KCTD1: variants seen among roughly 807,000 people sequenced by gnomAD.
KCTD1 encodes the protein BTB/POZ domain-containing protein KCTD1.
Under a neutral mutation model 66.0 loss-of-function variants are expected in KCTD1, and 24 were observed. The ratio of observed to expected loss-of-function variants is 0.36; its 90% CI spans 0.26 to 0.51. KCTD1 has a LOEUF of 0.51. KCTD1 is among the 20% of genes least tolerant of loss of function. The pLI is 0.95. For synonymous variants in KCTD1, 511 were observed against 517.2 expected (o/e 0.99, Z 0.16); for missense variants, 943 against 1,205.2 (o/e 0.78, Z 3.22).
intron 1 of KCTD1, among the ~76,000 whole-genome samples, chr18:26,595,053 C>T (rs1184966508): frequency 6.6e-6 from 1 of 152,148 alleles, no homozygotes; most frequent in Non-Finnish European, 1.5e-5. Context: ...TCTCTCTCCT[C>T]TCTTCATCTA....
chr18:26,656,260 C>G (rs1187181415), intron 1 of KCTD1, among the ~76,000 whole-genome samples: 1 of 152,110 alleles, frequency 6.6e-6, no homozygotes, highest in African/African-American at 2.4e-5. Flanking sequence ...AAGAGGCGAG[C>G]GCAGCAAAGC....
upstream of KCTD1, among the ~76,000 whole-genome samples, chr18:26,641,527 C>T (rs571840619): frequency 6.6e-6 from 1 of 152,212 alleles, no homozygotes; most frequent in East Asian, 1.9e-4. Flanking sequence ...ACCTTCTGTT[C>T]AGTTTCCTTT....
At chr18:26,628,214 C>G (rs1352813508) in intron 1 of KCTD1, among the ~76,000 whole-genome samples, 1 of 152,288 alleles carries the variant, frequency 6.6e-6, no homozygotes. Context: ...CCTCAATCTT[C>G]TCACTTGTAA....
intron 1 of KCTD1, among the ~76,000 whole-genome samples, chr18:26,612,108 G>T (rs1987151959): frequency 6.6e-6 from 1 of 152,108 alleles, no homozygotes; most frequent in Non-Finnish European, 1.5e-5. Flanking sequence ...TCTTTCCCCT[G>T]ACTTGGATAG....
chr18:26,570,192 ATATAT>A (rs1313695685), intron 1 of KCTD1, among the ~76,000 whole-genome samples: 59 of 88,058 alleles, frequency 6.7e-4, no homozygotes, highest in African/African-American at 2.1e-3. Flanking sequence ...TCTAAAAAAA[ATATAT>A]ATATATATAT....
chr18:26,544,697 TAC>T (rs1449311886), intron 1 of KCTD1: 2 of 152,224 alleles, frequency 1.3e-5, no homozygotes, highest in Non-Finnish European at 2.9e-5. Context: ...CCTCAACTCT[TAC>T]AGTGATTTTA....
At chr18:26,603,630 C>T (rs1359154696) in intron 1 of KCTD1, among the ~76,000 whole-genome samples, 3 of 151,664 alleles carry the variant, frequency 2.0e-5, no homozygotes, top group Non-Finnish European at 2.9e-5. Flanking sequence ...GTTATCCCAG[C>T]TATTCGGCAG....
upstream of KCTD1, chr18:26,548,677 C>G: frequency 9.5e-7 from 1 of 1,054,252 alleles, no homozygotes; most frequent in Non-Finnish European, 1.2e-6. Context: ...AATTGTCATT[C>G]CCGAGCGCAG....
At chr18:26,642,747 G>T (rs1461802850), upstream of KCTD1, among the ~76,000 whole-genome samples, 1 of 152,208 alleles carries the variant, frequency 6.6e-6, no homozygotes, top group Non-Finnish European at 1.5e-5. Context: ...GATCCCAAGA[G>T]AAGTTAAAAA....
chr18:26,588,935 G>T (rs549279871), intron 1 of KCTD1, among the ~76,000 whole-genome samples: 1 of 151,266 alleles, frequency 6.6e-6, no homozygotes, highest in South Asian at 2.1e-4. Context: ...GGTCCATGCG[G>T]CTTGGCTTAC....
In KCTD1 at chr18:26,459,895, A is replaced by G; in HGVS notation, c.2164T>C (p.Tyr722His). ...DYTLLYEEAKYFQLQPMLLEM... is the reference protein window; with the variant it reads ...DYTLLYEEAKHFQLQPMLLEM... ...AACAACATGGGCTGAAGCTGAAAAT[A>G]TTTTGCCTCTTCATATAACAAAGTG... is the stretch of plus-strand genomic sequence containing the variant. The change falls in exon 4 of 5, where the codon TAT becomes CAT. Residue 722 changes from tyrosine to histidine, a missense_variant. Tyr to His is a moderately conservative substitution (Grantham distance 83). Around this residue, in one of 10 missense-constraint regions of KCTD1, gnomAD observed 162 missense variants for 232.4 expected, o/e 0.70. Coordinates refer to ENST00000580059, the MANE Select transcript of KCTD1 (RefSeq NM_001142730.3). 1 of 1,600,054 alleles carries G rather than the reference A, an allele frequency of 6.2e-7. No homozygotes were observed. The highest frequency in any genetic ancestry group is 8.5e-7 in the Non-Finnish European group (1 of 1,172,626).
chr18:26,613,525 G>A (rs968456274), intron 1 of KCTD1, among the ~76,000 whole-genome samples: 56 of 152,274 alleles, frequency 3.7e-4, no homozygotes, highest in African/African-American at 1.3e-3. Flanking sequence ...GAAAGCAAAA[G>A]GAGAGAATCA....
At chr18:26,477,233 T>G (rs1169400222) in intron 2 of KCTD1, among the ~76,000 whole-genome samples, 2 of 152,194 alleles carry the variant, frequency 1.3e-5, no homozygotes, top group Non-Finnish European at 2.9e-5. Flanking sequence ...TTCTTAGGTC[T>G]CAGCGCAAAA....
chr18:26,627,470 C>T (rs1435087507), intron 1 of KCTD1, among the ~76,000 whole-genome samples: 2 of 152,124 alleles, frequency 1.3e-5, no homozygotes, highest in African/African-American at 4.8e-5. Flanking sequence ...TGTCATATGG[C>T]TCAACACACA....
chr18:26,579,265 T>TCACACACA (rs74670208), intron 1 of KCTD1, among the ~76,000 whole-genome samples: 8 of 150,714 alleles, frequency 5.3e-5, no homozygotes, highest in African/African-American at 1.9e-4. Flanking sequence ...TTTCTCACCC[T>TCACACACA]CACACACACA....
chr18:26,518,303 A>AT (rs879416574), intron 1 of KCTD1, among the ~76,000 whole-genome samples: 585 of 147,218 alleles, frequency 4.0e-3, no homozygotes, highest in African/African-American at 0.011. Context: ...CAAAGCTATA[A>AT]TTTTTTTTTT....
chr18:26,575,947 T>C (rs970505014), intron 1 of KCTD1, among the ~76,000 whole-genome samples: 1 of 152,224 alleles, frequency 6.6e-6, no homozygotes, highest in Non-Finnish European at 1.5e-5. Context: ...CTTTTTTACT[T>C]CATATAAATG....
intron 1 of KCTD1, chr18:26,566,089 G>A (rs1985974950): frequency 6.6e-6 from 1 of 152,142 alleles, no homozygotes. Context: ...ACAGACCCTA[G>A]CACACAGTAG....
rs554090058 is a variant in KCTD1 at position 26,495,881 on chromosome 18, A to C, written c.1988+5191T>G. 5.9e-5 allele frequency among the ~76,000 whole-genome samples: 9 copies of C among 152,326 alleles called. 1 individual carries two copies. In the South Asian group the frequency reaches 1.9e-3, roughly 32 times the overall value. ...TTCTTGGTTTTAAAAATGGTTATCC[A>C]CATCTGAATAACCATCAATACAGCT... On this transcript the variant is annotated intron_variant, in intron 2 of 4. Coordinates refer to ENST00000580059, the MANE Select transcript of KCTD1 (RefSeq NM_001142730.3).
Sources: allele counts gnomAD v4.1 joint callset (sites outside exome capture counted in the v4.1 genomes callset), GRCh38; gene constraint gnomAD v4.1.1; regional missense constraint gnomAD v4.1.1; transcripts MANE v1.5; gene names NCBI Gene and HGNC (gene_info 2026-07-23, HGNC 2026-07-21).